The following DGKB variants were observed in gnomAD, a reference collection of about 807,000 sequenced individuals.
DGKB encodes diacylglycerol kinase beta.
DGKB carries 67 observed loss-of-function variants against 114.3 expected under a neutral mutation model. That is an observed-to-expected ratio of 0.59 (90% confidence interval 0.48 to 0.72). The LOEUF (loss-of-function observed/expected upper bound fraction) is 0.72. Ranked by LOEUF, DGKB falls within the 30% of genes least tolerant of loss-of-function variation. DGKB has a pLI of 0.00. For missense variants in DGKB, 907 were observed against 975.2 expected, an observed-to-expected ratio of 0.93 and a Z score of 0.93; for synonymous variants, 398 against 323.1, an observed-to-expected ratio of 1.23 and a Z score of -2.49.
intron 25 of DGKB, among the ~76,000 whole-genome samples, chr7:14,165,419 C>T (rs78844758): frequency 6.6e-6 from 1 of 152,088 alleles, no homozygotes; most frequent in Non-Finnish European, 1.5e-5. Context: ...AGGAGATCCA[C>T]CTATCACAAA....
chr7:14,315,161 C>G (rs1318928205), intron 23 of DGKB, among the ~76,000 whole-genome samples: 2 of 142,402 alleles, frequency 1.4e-5, no homozygotes, highest in Non-Finnish European at 3.1e-5. Flanking sequence ...ACAACCGGTA[C>G]CAGCCGCTGC....
intron 23 of DGKB, among the ~76,000 whole-genome samples, chr7:14,307,603 G>A (rs1804699334): frequency 6.6e-6 from 1 of 152,110 alleles, no homozygotes; most frequent in Admixed American, 6.5e-5. Flanking sequence ...ACCACATATT[G>A]TATTGAATGT....
intron 21 of DGKB, among the ~76,000 whole-genome samples, chr7:14,398,126 ATATC>A (rs1362400949): frequency 6.6e-6 from 1 of 152,148 alleles, no homozygotes; most frequent in African/African-American, 2.4e-5. Flanking sequence ...AACTATCTAA[ATATC>A]TACTTTGATC....
At chr7:14,151,413 T>C (rs115926738) in intron 25 of DGKB, among the ~76,000 whole-genome samples, 4,318 of 152,020 alleles carry the variant, frequency 0.028, 73 homozygotes, top group Admixed American at 0.042. Context: ...TGTGTTTTTT[T>C]TTGGCGGGGG....
intron 21 of DGKB, among the ~76,000 whole-genome samples, chr7:14,446,450 T>C (rs1048404363): frequency 6.6e-6 from 1 of 152,118 alleles, no homozygotes; most frequent in African/African-American, 2.4e-5. Flanking sequence ...ATTCACCTTG[T>C]TAATTTTTAC....
rs1554262145 is a variant in DGKB at position 14,758,928 on chromosome 7, G to GATGATAGATAGATAGATAGATAGATAC, written c.71-1198_71-1197insGTATCTATCTATCTATCTATCTATCAT. Among the ~76,000 whole-genome samples, 785 of 146,956 alleles carry GATGATAGATAGATAGATAGATAGATAC rather than the reference G, an allele frequency of 5.3e-3. 4 individuals are homozygous for GATGATAGATAGATAGATAGATAGATAC. Among genetic ancestry groups the GATGATAGATAGATAGATAGATAGATAC allele is most frequent in the African/African-American group, 0.018 (723 of 39,608 alleles). ...AGATAGATAGATAGATAGATAGATA[G>GATGATAGATAGATAGATAGATAGATAC]ATAGATACATAGATAGATAGAGTTT... On this transcript the variant is annotated intron_variant, in intron 2 of 25. Transcript: ENST00000402815.
chr7:14,969,783 G>T (rs144325833), intron 1 of DGKB, among the ~76,000 whole-genome samples: 1 of 152,114 alleles, frequency 6.6e-6, no homozygotes, highest in Non-Finnish European at 1.5e-5. Flanking sequence ...AAATGTTATA[G>T]CCTATTGCTC....
intron 21 of DGKB, among the ~76,000 whole-genome samples, chr7:14,360,067 T>G (rs2128627799): frequency 6.6e-6 from 1 of 152,284 alleles, no homozygotes; most frequent in East Asian, 1.9e-4. Flanking sequence ...CCAACCCAAA[T>G]GTCCTTCAGT....
intron 22 of DGKB, among the ~76,000 whole-genome samples, chr7:14,339,281 T>G (rs1409816029): frequency 6.6e-6 from 1 of 151,690 alleles, no homozygotes; most frequent in Non-Finnish European, 1.5e-5. Context: ...CCAAGGGTGG[T>G]TTCTTGGACT....
chr7:14,645,530 A>G (rs866055487), intron 13 of DGKB, among the ~76,000 whole-genome samples: 1 of 152,054 alleles, frequency 6.6e-6, no homozygotes, highest in Non-Finnish European at 1.5e-5. Context: ...GAAGCGAAAA[A>G]GCCACAACAC....
chr7:14,457,952 G>C (rs1039456442), intron 21 of DGKB, among the ~76,000 whole-genome samples: 2 of 152,218 alleles, frequency 1.3e-5, no homozygotes, highest in Non-Finnish European at 2.9e-5. Context: ...GCTTAATAGG[G>C]AAGGACTCAT....
At chr7:14,429,454 G>A (rs1828087321) in intron 21 of DGKB, among the ~76,000 whole-genome samples, 2 of 152,124 alleles carry the variant, frequency 1.3e-5, no homozygotes, top group African/African-American at 2.4e-5. Context: ...AGTAATAAAT[G>A]TTTGTTGTTT....
chr7:14,851,755 C>T (rs1225463391), intron 1 of DGKB, among the ~76,000 whole-genome samples: 1 of 152,160 alleles, frequency 6.6e-6, no homozygotes, highest in Admixed American at 6.5e-5. Context: ...GCCAACATAT[C>T]CAAAGAATGC....
At chr7:14,785,880 GGAA>G (rs994765187) in intron 2 of DGKB, among the ~76,000 whole-genome samples, 21 of 149,720 alleles carry the variant, frequency 1.4e-4, no homozygotes, top group African/African-American at 5.3e-4. Context: ...AGACATTAAA[GGAA>G]GAAGTTTTTC....
At chr7:14,281,775 G>A (rs1469369810) in intron 23 of DGKB, among the ~76,000 whole-genome samples, 1 of 151,782 alleles carries the variant, frequency 6.6e-6, no homozygotes, top group Admixed American at 6.6e-5. Context: ...GGTACATAAC[G>A]AAATGAAGGC....
intron 20 of DGKB, among the ~76,000 whole-genome samples, chr7:14,493,278 A>C (rs1050962961): frequency 1.3e-5 from 2 of 152,090 alleles, no homozygotes; most frequent in Non-Finnish European, 2.9e-5. Context: ...CTCTCAGTAG[A>C]TGCCTGAAAC....
intron 20 of DGKB, among the ~76,000 whole-genome samples, chr7:14,490,785 A>G (rs1400135659): frequency 6.6e-6 from 1 of 152,134 alleles, no homozygotes; most frequent in Non-Finnish European, 1.5e-5. Flanking sequence ...TGAGAACATA[A>G]AATTAGGGAG....
intron 23 of DGKB, among the ~76,000 whole-genome samples, chr7:14,198,276 T>C (rs951189238): frequency 3.3e-5 from 5 of 152,130 alleles, no homozygotes; most frequent in African/African-American, 1.2e-4. Flanking sequence ...AAAATTTCAT[T>C]AGGGAAATAT....
intron 4 of DGKB, among the ~76,000 whole-genome samples, chr7:14,747,259 C>T (rs1723252): frequency 0.36 from 52,671 of 147,302 alleles, 12,938 homozygotes; most frequent in African/African-American, 0.69. Flanking sequence ...GTGGCCCAAT[C>T]ATAGCTCACT....
Sources: gnomAD v4.1 joint callset for allele counts (sites outside exome capture counted in the v4.1 genomes callset) on GRCh38, gnomAD v4.1.1 for gene constraint, MANE v1.5 for transcripts, NCBI Gene and HGNC (gene_info 2026-07-23, HGNC 2026-07-21) for gene names.